GLS: variants seen among roughly 807,000 people sequenced by gnomAD.
GLS encodes glutaminase kidney isoform, mitochondrial.
Under a neutral mutation model 86.7 loss-of-function variants are expected in GLS, and 36 were observed. The ratio of observed to expected loss-of-function variants is 0.42; its 90% confidence interval spans 0.32 to 0.55. GLS has a LOEUF of 0.55. Among genes scored for constraint, GLS ranks in the 20% least tolerant of loss-of-function variants. The pLI is 0.17. For missense variants in GLS, 528 were observed against 833.4 expected, an observed-to-expected ratio of 0.63 and a Z score of 4.51; for synonymous variants, 317 against 305.9, an observed-to-expected ratio of 1.04 and a Z score of -0.38.
chr2:190,962,915 A>C lies in GLS; in HGVS notation c.1939A>C (p.Thr647Pro). The C allele has an allele frequency of 6.2e-7, 1 of 1,609,348 alleles. No individual in the cohort carries two copies. Among genetic ancestry groups the C allele is most frequent in the Non-Finnish European group, 8.5e-7 (1 of 1,177,404 alleles). Residue 647 changes from threonine (T) to proline (P), a missense_variant, in exon 18 of 18, where the codon ACA (threonine) becomes CCA (proline). Coordinates refer to ENST00000320717, the MANE Select transcript of GLS (RefSeq NM_014905.5). The surrounding 1 kb of genome is among the most constrained non-coding windows in gnomAD (Gnocchi z 4.2). ...KILQEYQVQY[T>P]PQGDSDNGKE... ...TCTCCAAGAATACCAAGTCCAGTAC[A>C]CACCTCAAGGAGATTCTGACAACGG...
chr2:190,930,089 C>T lies in GLS; in HGVS notation c.1426-348C>T, dbSNP rs1425940435. Among the ~76,000 whole-genome samples the T allele has an allele frequency of 7.0e-6, 1 of 142,720 alleles. No individual in the cohort carries two copies. 93.6% of individuals were successfully genotyped at this position (142,720 alleles called of 152,430 possible). A position where few individuals can be genotyped will look rare whatever the true frequency, so the allele number is the denominator to read the frequency against. ...AATTGTGTTTTTTTTTTTTTTGAAA[C>T]TGGATCTTGCTCTGTCATCCAGGCT... On this transcript the variant is annotated intron_variant, in intron 12 of 17. Transcript: ENST00000320717. The surrounding 1 kb of genome is among the most constrained non-coding windows in gnomAD (Gnocchi z 5.0).
At chr2:190,927,630 G>A in intron 12 of GLS, 148 bp downstream of exon 12, 2 of 593,486 alleles carry the variant, frequency 3.4e-6, no homozygotes, top group Admixed American at 6.7e-5. Flanking sequence ...TACAAGATTA[G>A]TAAGGAATAG....
chr2:190,959,842 C>T (rs1052972071), intron 17 of GLS, among the ~76,000 whole-genome samples: 2 of 152,142 alleles, frequency 1.3e-5, no homozygotes, highest in African/African-American at 4.8e-5. Context: ...AAACTGTTAA[C>T]TCTAAAATGA....
At chr2:190,909,502 T>C (rs1380428645) in intron 6 of GLS, among the ~76,000 whole-genome samples, 2 of 151,980 alleles carry the variant, frequency 1.3e-5, no homozygotes, top group Non-Finnish European at 2.9e-5. Context: ...AACCACCAGG[T>C]AGATAAATTA....
intron 17 of GLS, among the ~76,000 whole-genome samples, chr2:190,961,441 C>T (rs1690997665): frequency 6.6e-6 from 1 of 152,156 alleles, no homozygotes; most frequent in Non-Finnish European, 1.5e-5. Flanking sequence ...AAGTGGTGCA[C>T]CCACCTTGGC....
chr2:190,889,976 G>T (rs1181325969), intron 1 of GLS, among the ~76,000 whole-genome samples: 1 of 152,052 alleles, frequency 6.6e-6, no homozygotes, highest in African/African-American at 2.4e-5. Flanking sequence ...TATTGTTTAA[G>T]AATTACAGAT....
At chr2:190,940,959 A>G (rs1276542127) in intron 14 of GLS, among the ~76,000 whole-genome samples, 1 of 152,168 alleles carries the variant, frequency 6.6e-6, no homozygotes, top group African/African-American at 2.4e-5. Flanking sequence ...TTTTTGTTCA[A>G]ACAGCACACA....
chr2:190,899,727 C>A (rs987727974), intron 3 of GLS, among the ~76,000 whole-genome samples: 2 of 152,016 alleles, frequency 1.3e-5, no homozygotes, highest in East Asian at 3.8e-4. Context: ...ATTTGCAAAA[C>A]GTTTTAAAGG....
chr2:190,935,799 A>G lies in GLS; in HGVS notation c.1650+4162A>G, dbSNP rs984070472. 4.0e-5 allele frequency among the ~76,000 whole-genome samples: 6 copies of G among 151,264 alleles called. No homozygotes were observed. The South Asian group carries it at 1.2e-3, about 31-fold the overall frequency. On this transcript the variant is annotated intron_variant, in intron 14 of 17. Coordinates refer to ENST00000320717, the MANE Select transcript of GLS (RefSeq NM_014905.5). This position sits in a 1 kb window ranked among gnomAD's most constrained non-coding sequence, Gnocchi z 4.2. ...AGTAGAATTTATATTAAACAGAATG[A>G]CAGTGATACAGAAATTCACCTTAAC...
In GLS at chr2:190,962,075, T is replaced by C. The variant is rs1484299808; in HGVS notation, c.1854-755T>C. On this transcript the variant is annotated intron_variant, in intron 17 of 17. Transcript: ENST00000320717. This position sits in a 1 kb window ranked among gnomAD's most constrained non-coding sequence, Gnocchi z 4.2. ...TAGGGCTGTGAGTTATGTAGTTCTG[T>C]CTCCTCTTGCAAAAGACTTACCACT... Among the ~76,000 whole-genome samples the C allele has an allele frequency of 1.3e-5, 2 of 152,224 alleles. No homozygotes were observed. Among genetic ancestry groups the C allele is most frequent in the African/African-American group, 2.4e-5 (1 of 41,460 alleles).
rs1466852783 is a variant in GLS at position 190,956,695 on chromosome 2, G to T, written c.1853+1877G>T. On this transcript the variant is annotated intron_variant, in intron 17 of 17. Transcript: ENST00000320717. This position sits in a 1 kb window ranked among gnomAD's most constrained non-coding sequence, Gnocchi z 4.2. ...TAGAACCTATAAATTACTTTGGGTT[G>T]TATGGCCATTTTCATGATATTGATT... Among the ~76,000 whole-genome samples, 3 of 152,172 alleles carry T rather than the reference G, an allele frequency of 2.0e-5. No homozygotes were observed. Among genetic ancestry groups the T allele is most frequent in the Non-Finnish European group, 4.4e-5 (3 of 68,020 alleles).
intron 14 of GLS, chr2:190,933,935 A>C: frequency 1.1e-6 from 1 of 914,790 alleles, no homozygotes; most frequent in Non-Finnish European, 1.3e-6. Context: ...TAAAAATGCA[A>C]TATTGAGAAT....
rs533374946 is a variant in GLS, at chr2:190,955,674, T to C, written c.1853+856T>C. 6.6e-6 allele frequency among the ~76,000 whole-genome samples: 1 copy of C among 152,356 alleles called. No individual in the cohort carries two copies. The highest frequency in any genetic ancestry group is 6.5e-5 in the Admixed American group (1 of 15,302). On this transcript the variant is annotated intron_variant, in intron 17 of 17. Coordinates refer to ENST00000320717, the MANE Select transcript of GLS (RefSeq NM_014905.5). The surrounding 1 kb of genome is among the most constrained non-coding windows in gnomAD (Gnocchi z 5.6). ...TGGGATTGCTGGATCAAATGGTATT[T>C]CTGGTTCTAGATCCTTGAGGAATCA...
intron 5 of GLS, among the ~76,000 whole-genome samples, chr2:190,902,906 G>A (rs1688996635): frequency 6.6e-6 from 1 of 152,092 alleles, no homozygotes; most frequent in Admixed American, 6.6e-5. Flanking sequence ...TGTACAACTT[G>A]TAAGTGAACA....
intron 14 of GLS, among the ~76,000 whole-genome samples, chr2:190,936,710 C>G (rs1327779528): frequency 6.6e-6 from 1 of 151,082 alleles, no homozygotes; most frequent in Non-Finnish European, 1.5e-5. Context: ...AAAGCACTTT[C>G]CAAAATGTAT....
At chr2:190,881,669 C>A (rs1040262923) in intron 1 of GLS, 199 bp downstream of exon 1, 1 of 520,084 alleles carries the variant, frequency 1.9e-6, no homozygotes, top group Non-Finnish European at 3.3e-6. Context: ...AACCCTCCGC[C>A]AGGCACCCAC....
intron 3 of GLS, among the ~76,000 whole-genome samples, chr2:190,899,333 G>A (rs1450317457): frequency 6.6e-6 from 1 of 152,002 alleles, no homozygotes; most frequent in Admixed American, 6.5e-5. Flanking sequence ...TTTTAATGTT[G>A]TAATAGGGGG....
At position 190,895,269 on chromosome 2, in the gene GLS, A is replaced by G; in HGVS notation, c.483+21A>G. 1 of 943,876 alleles carries G rather than the reference A, an allele frequency of 1.1e-6. No homozygotes were observed. Among genetic ancestry groups the G allele is most frequent in the Non-Finnish European group, 1.7e-6 (1 of 590,200 alleles). 58.5% of individuals were successfully genotyped at this position (943,876 alleles called of 1,614,324 possible). A position where few individuals can be genotyped will look rare whatever the true frequency, so the allele number is the denominator to read the frequency against. ...TTACAGTAAGTTTTTATATTTTTCT[A>G]TCTTAACTTAAAAAAATCAATAATA... On this transcript the variant is annotated intron_variant, in intron 2 of 17. Coordinates refer to ENST00000320717, the MANE Select transcript of GLS (RefSeq NM_014905.5). The surrounding 1 kb of genome is among the most constrained non-coding windows in gnomAD (Gnocchi z 4.2).
chr2:190,896,785 A>G (rs1270381975), intron 3 of GLS, among the ~76,000 whole-genome samples: 1 of 152,094 alleles, frequency 6.6e-6, no homozygotes, highest in Non-Finnish European at 1.5e-5. Context: ...TGGTATTAGG[A>G]ATTTTGACTT....
Sources: gnomAD v4.1 joint callset for allele counts (sites outside exome capture counted in the v4.1 genomes callset) on GRCh38, gnomAD v4.1.1 for gene constraint, Gnocchi (gnomAD v3.1) non-coding constraint, MANE v1.5 for transcripts, NCBI Gene and HGNC (gene_info 2026-07-23, HGNC 2026-07-21) for gene names.